Variants in TMEM132D observed in about 807,000 individuals in gnomAD.
TMEM132D encodes the protein mature OL transmembrane protein.
TMEM132D carries 21 observed loss-of-function variants against 62.3 expected under a neutral mutation model. That is an observed-to-expected ratio of 0.34 (90% CI 0.24 to 0.49). TMEM132D has a LOEUF of 0.49. Among genes scored for constraint, TMEM132D ranks in the 20% least tolerant of loss-of-function variants. The pLI, the probability that TMEM132D is intolerant of heterozygous loss-of-function variation, is 0.99. For missense variants in TMEM132D, 1,346 were observed against 1,402.8 expected, an observed-to-expected ratio of 0.96 and a Z score of 0.65; for synonymous variants, 621 against 575.6, an observed-to-expected ratio of 1.08 and a Z score of -1.13.
intron 3 of TMEM132D, among the ~76,000 whole-genome samples, chr12:129,379,576 C>T (rs117303940): frequency 6.6e-6 from 1 of 152,314 alleles, no homozygotes; most frequent in East Asian, 1.9e-4. Flanking sequence ...GAACCTGGCA[C>T]GATGACGTCT....
chr12:129,706,937 G>A (rs1033496110), intron 1 of TMEM132D, among the ~76,000 whole-genome samples: 9 of 151,544 alleles, frequency 5.9e-5, no homozygotes, highest in African/African-American at 2.2e-4. Context: ...CATATGTGAA[G>A]CAGCCAAAGA....
At chr12:129,230,315 G>GGT (rs1555239653) in intron 4 of TMEM132D, among the ~76,000 whole-genome samples, 1 of 150,452 alleles carries the variant, frequency 6.6e-6, no homozygotes, top group Non-Finnish European at 1.5e-5. Flanking sequence ...GGAGGGGGGG[G>GGT]GCTCCCCAGC....
intron 1 of TMEM132D, among the ~76,000 whole-genome samples, chr12:129,816,224 A>G (rs752015843): frequency 6.6e-6 from 1 of 152,250 alleles, no homozygotes; most frequent in Non-Finnish European, 1.5e-5. Flanking sequence ...GAATGTAGAA[A>G]ATGATGTCAG....
intron 1 of TMEM132D, among the ~76,000 whole-genome samples, chr12:129,727,505 A>AT (rs1043475066): frequency 6.6e-6 from 1 of 152,238 alleles, no homozygotes; most frequent in Non-Finnish European, 1.5e-5. Context: ...AAAATTCGAC[A>AT]TGAATTTTGT....
intron 1 of TMEM132D, among the ~76,000 whole-genome samples, chr12:129,752,472 A>T (rs1298720041): frequency 6.6e-6 from 1 of 152,240 alleles, no homozygotes; most frequent in African/African-American, 2.4e-5. Context: ...AGAATAAGTC[A>T]TAAGACCTTT....
chr12:129,122,022 G>A (rs543712814), intron 5 of TMEM132D, among the ~76,000 whole-genome samples: 48 of 152,304 alleles, frequency 3.2e-4, no homozygotes, highest in African/African-American at 1.1e-3. Context: ...TTCTGGCCCT[G>A]TTCTTCCGAG....
rs543404068 is a variant in TMEM132D at position 129,826,760 on chromosome 12, G to A, written c.79+76501C>T. Among the ~76,000 whole-genome samples, 9 of 152,316 alleles carry A rather than the reference G, an allele frequency of 5.9e-5. No homozygotes were observed. The South Asian group carries it at 1.9e-3, about 32-fold the overall frequency. ...AACCAGGTACGAATGGACTAGCAGGGTCAGAGGCCTGAGACAGCAAGATCC... is the reference window on the plus strand; with the variant it reads ...AACCAGGTACGAATGGACTAGCAGGATCAGAGGCCTGAGACAGCAAGATCC... On this transcript the variant is annotated intron_variant, in intron 1 of 8. Transcript: ENST00000422113.
At chr12:129,297,573 C>G (rs1881609091) in intron 4 of TMEM132D, among the ~76,000 whole-genome samples, 1 of 152,192 alleles carries the variant, frequency 6.6e-6, no homozygotes. Context: ...GGCTCTGTGG[C>G]TTTCCTTTCC....
At chr12:129,725,771 A>G (rs1321120708) in intron 1 of TMEM132D, among the ~76,000 whole-genome samples, 1 of 152,212 alleles carries the variant, frequency 6.6e-6, no homozygotes, top group Non-Finnish European at 1.5e-5. Context: ...CAGAAAAGTT[A>G]ACACAGCAGA....
intron 3 of TMEM132D, among the ~76,000 whole-genome samples, chr12:129,411,873 C>T (rs539782381): frequency 1.3e-5 from 2 of 152,304 alleles, no homozygotes; most frequent in South Asian, 4.2e-4. Context: ...ATCGTGTTAT[C>T]TTCATTGCTT....
intron 5 of TMEM132D, among the ~76,000 whole-genome samples, chr12:129,198,726 A>G (rs1376188070): frequency 6.6e-6 from 1 of 152,204 alleles, no homozygotes; most frequent in Non-Finnish European, 1.5e-5. Context: ...CACAGTGTGG[A>G]CAATATAGTT....
chr12:129,835,561 G>A (rs12810882), intron 1 of TMEM132D, among the ~76,000 whole-genome samples: 13,891 of 152,138 alleles, frequency 0.091, 776 homozygotes, highest in South Asian at 0.14. Flanking sequence ...AAAGTGCTGG[G>A]ATTACAGGCG....
In TMEM132D at chr12:129,719,115, G is replaced by C. The variant is rs538060150; in HGVS notation, c.80-18417C>G. ...AAAAAAAAAAGAAAAAAAGCTGGGT[G>C]TAGTGGCGCATTCCTGTACCTGTAG... On this transcript the variant is annotated intron_variant, in intron 1 of 8. Transcript: ENST00000422113. Among the ~76,000 whole-genome samples the C allele has an allele frequency of 7.9e-5, 12 of 151,464 alleles. No homozygotes were observed. The East Asian group carries it at 2.3e-3, about 29-fold the overall frequency.
intron 1 of TMEM132D, among the ~76,000 whole-genome samples, chr12:129,800,799 G>A (rs1871747298): frequency 6.6e-6 from 1 of 152,100 alleles, no homozygotes. Flanking sequence ...TTCCATCTGA[G>A]GTACCGGGCT....
At chr12:129,629,669 T>TAA (rs111273764) in intron 2 of TMEM132D, among the ~76,000 whole-genome samples, 161 of 145,492 alleles carry the variant, frequency 1.1e-3, no homozygotes, top group Non-Finnish European at 1.5e-3. Context: ...TGCCTAATAA[T>TAA]AAAAAAAAAA....
chr12:129,190,908 C>T (rs990611685), intron 5 of TMEM132D, among the ~76,000 whole-genome samples: 3 of 151,488 alleles, frequency 2.0e-5, no homozygotes, highest in Admixed American at 6.6e-5. Context: ...GCCGGTGAGA[C>T]CCCCTCAGAC....
At chr12:129,805,753 G>T (rs1319967013) in intron 1 of TMEM132D, among the ~76,000 whole-genome samples, 1 of 149,636 alleles carries the variant, frequency 6.7e-6, no homozygotes, top group Non-Finnish European at 1.5e-5. Flanking sequence ...GAGTGAACAG[G>T]CAACCTACAG....
chr12:129,244,596 TG>T (rs1158041055), intron 4 of TMEM132D, among the ~76,000 whole-genome samples: 1 of 151,570 alleles, frequency 6.6e-6, no homozygotes, highest in African/African-American at 2.4e-5. Flanking sequence ...TAAGTGGTGG[TG>T]TTTTTTTATG....
chr12:129,401,861 C>A lies in TMEM132D; in HGVS notation c.1116-64044G>T, dbSNP rs1046855214. Among the ~76,000 whole-genome samples, 2 of 152,100 alleles carry A rather than the reference C, an allele frequency of 1.3e-5. 1 individual carries two copies. Among genetic ancestry groups the A allele is most frequent in the African/African-American group, 4.8e-5 (2 of 41,420 alleles). On this transcript the variant is annotated intron_variant, in intron 3 of 8. Coordinates refer to ENST00000422113, the MANE Select transcript of TMEM132D (RefSeq NM_133448.3). ...CAGGGCCCTGTACTCTGGAGGTGTT[C>A]GATAACGTGTAAAGATTTGAATTGA...
Sources: gnomAD v4.1 joint callset for allele counts (sites outside exome capture counted in the v4.1 genomes callset) on GRCh38, gnomAD v4.1.1 for gene constraint, MANE v1.5 for transcripts, NCBI Gene and HGNC (gene_info 2026-07-23, HGNC 2026-07-21) for gene names.